Variants in CD74 observed in about 807,000 individuals in gnomAD.
CD74 encodes HLA class II histocompatibility antigen gamma chain.
CD74 carries 20 observed loss-of-function variants against 37.1 expected under a neutral mutation model. The observed-to-expected ratio is 0.54, with a 90% CI of 0.38 to 0.78. The LOEUF (loss-of-function observed/expected upper bound fraction) is 0.78. CD74 is among the 30% of genes least tolerant of loss of function. The pLI is 0.00. For synonymous variants in CD74, 150 were observed against 152.0 expected, an observed-to-expected ratio of 0.99 and a Z score of 0.10; for missense variants, 338 against 389.5, an observed-to-expected ratio of 0.87 and a Z score of 1.11.
At chr5:150,411,283 G>A (rs1291879950) in intron 1 of CD74, among the ~76,000 whole-genome samples, 4 of 152,290 alleles carry the variant, frequency 2.6e-5, no homozygotes, top group African/African-American at 4.8e-5. Flanking sequence ...GAGACTCAGG[G>A]AGAGGCAGTG....
intron 1 of CD74, among the ~76,000 whole-genome samples, chr5:150,408,289 T>C (rs950267603): frequency 3.3e-5 from 5 of 152,032 alleles, no homozygotes; most frequent in African/African-American, 1.2e-4. Flanking sequence ...AGGAGTGGGC[T>C]GGGGGAGGCT....
chr5:150,401,715 C>G lies in CD74; in HGVS notation c.*525G>C. On this transcript the variant is annotated 3_prime_UTR_variant, in exon 9 of 9. Transcript: ENST00000009530. Reference sequence around the variant, plus strand: ...AACAAGCTTGGCTGAGCAGAGGGAACTAGGGGTCGGCAGAAAGGATTATGG... The same window carrying G: ...AACAAGCTTGGCTGAGCAGAGGGAAGTAGGGGTCGGCAGAAAGGATTATGG... The G allele has an allele frequency of 5.2e-6, 3 of 576,084 alleles. No individual in the cohort carries two copies. Among genetic ancestry groups the G allele is most frequent in the Non-Finnish European group, 9.3e-6 (3 of 323,138 alleles). 35.7% of individuals were successfully genotyped at this position (576,084 alleles called of 1,614,324 possible).
At chr5:150,406,998 G>A in intron 2 of CD74, 38 bp from the exon 3 acceptor site, 4 of 1,549,574 alleles carry the variant, frequency 2.6e-6, no homozygotes, top group Non-Finnish European at 3.5e-6. Context: ...TGGCCCCGGT[G>A]CCCAGGGAGG....
Position 150,403,760 on chromosome 5 carries a change from G to A in CD74, c.626-448C>T, listed in dbSNP as rs575740269. ...TATAATCCCAGCTACTCGGGAGGCC[G>A]AGGCAGGAGAATTGCTTGAACCCGG... On this transcript the variant is annotated intron_variant, in intron 6 of 8. Transcript: ENST00000009530. The surrounding 1 kb of genome is among the most constrained non-coding windows in gnomAD (Gnocchi z 4.5). Among the ~76,000 whole-genome samples the A allele has an allele frequency of 3.9e-5, 6 of 152,326 alleles. No homozygotes were observed. The South Asian group carries it at 8.3e-4, about 21-fold the overall frequency.
At chr5:150,412,283 C>G (rs1770387851) in intron 1 of CD74, among the ~76,000 whole-genome samples, 1 of 152,194 alleles carries the variant, frequency 6.6e-6, no homozygotes, top group African/African-American at 2.4e-5. Context: ...GGCCTTTAAC[C>G]TAGCATTCAC....
intron 3 of CD74, 157 bp downstream of exon 3, chr5:150,406,724 C>G: frequency 1.7e-6 from 1 of 596,710 alleles, no homozygotes; most frequent in Non-Finnish European, 3.0e-6. Context: ...CCCTCCACAC[C>G]TGGGGAGCCC....
At position 150,403,368 on chromosome 5, in the gene CD74, C is replaced by CT; in HGVS notation, c.626-57dup. 2 of 1,493,774 alleles carry CT rather than the reference C, an allele frequency of 1.3e-6. No individual in the cohort carries two copies. The highest frequency in any genetic ancestry group is 1.9e-6 in the Non-Finnish European group (2 of 1,071,904). 92.5% of individuals were successfully genotyped at this position (1,493,774 alleles called of 1,614,324 possible). ...GAGTGAGTGAGCTCTGAACCAGGGT[C>CT]TGAGCAGAGCTAAAGACCCACACAC... On this transcript the variant is annotated intron_variant, in intron 6 of 8. Transcript: ENST00000009530. The surrounding 1 kb of genome is among the most constrained non-coding windows in gnomAD (Gnocchi z 4.5).
chr5:150,411,561 A>G (rs1016848004), intron 1 of CD74, among the ~76,000 whole-genome samples: 2 of 152,176 alleles, frequency 1.3e-5, no homozygotes, highest in Admixed American at 1.3e-4. Flanking sequence ...TAGCAGGGGC[A>G]TTGGGGTAAT....
At chr5:150,404,499 C>T (rs1769829457) in intron 6 of CD74, 181 bp downstream of exon 6, 1 of 579,574 alleles carries the variant, frequency 1.7e-6, no homozygotes, top group Admixed American at 3.0e-5. Flanking sequence ...GGGAGGGGGA[C>T]AGCCAAACCA....
In CD74 at chr5:150,404,745, T is replaced by C; in HGVS notation, c.560A>G (p.His187Arg). Residue 187 changes from histidine to arginine, a missense_variant, in exon 6 of 9, where the codon CAT becomes CGT. Physicochemically the swap from His to Arg is conservative, Grantham distance 29. Transcript: ENST00000009530. ...CCTGCTCATTTCAAACAGGAGCCAATGGTGCATCCAGCTCTCAAAGACCTA... is the reference window on the plus strand; with the variant it reads ...CCTGCTCATTTCAAACAGGAGCCAACGGTGCATCCAGCTCTCAAAGACCTA... ...DWKVFESWMH[H>R]WLLFEMSRHS... 1 of 1,584,176 alleles carries C rather than the reference T, an allele frequency of 6.3e-7. No individual in the cohort carries two copies. The highest frequency in any genetic ancestry group is 1.3e-5 in the African/African-American group (1 of 74,456).
chr5:150,409,388 G>A (rs1196579342), intron 1 of CD74, among the ~76,000 whole-genome samples: 2 of 151,308 alleles, frequency 1.3e-5, no homozygotes, highest in African/African-American at 2.4e-5. Flanking sequence ...TTAGCCGGAC[G>A]TGGTGGCGAG....
rs1482030276 is a variant in CD74 at position 150,404,553 on chromosome 5, G to C, written c.625+127C>G. 8 of 621,176 alleles carry C rather than the reference G, an allele frequency of 1.3e-5. No individual in the cohort carries two copies. In the East Asian group the frequency reaches 1.7e-4, roughly 13 times the overall value. The allele number at this position is 621,176 out of a possible 1,614,324, so 38.5% of individuals were successfully genotyped here. On this transcript the variant is annotated intron_variant, in intron 6 of 8. Coordinates refer to ENST00000009530, the MANE Select transcript of CD74 (RefSeq NM_001025159.3). ...AGAGAGAGAAGTGAGAAAGAAGTGA[G>C]AGCTGAGAGGATGGGAGATTCCGCG...
intron 2 of CD74, 31 bp from the exon 3 acceptor site, chr5:150,406,991 C>T (rs758355473): frequency 9.0e-6 from 14 of 1,562,532 alleles, no homozygotes; most frequent in Admixed American, 6.2e-5. Flanking sequence ...GTAAGTGTGG[C>T]CCCGGTGCCC....
At chr5:150,405,497 C>G in intron 4 of CD74, 1 of 1,052,686 alleles carries the variant, frequency 9.5e-7, no homozygotes, top group East Asian at 5.2e-5. Flanking sequence ...AGGTGAGGAC[C>G]CAACCTTGAC....
At position 150,412,766 on chromosome 5, in the gene CD74, C is replaced by A; in HGVS notation, c.-17G>T. On this transcript the variant is annotated 5_prime_UTR_variant, in exon 1 of 9. Coordinates refer to ENST00000009530, the MANE Select transcript of CD74 (RefSeq NM_001025159.3). ...CCTGTGCATCTGGGACCCTGACCCC[C>A]CGGCTCGCCTCTTAAAGTCGGTGCT... 2 of 1,613,710 alleles carry A rather than the reference C, an allele frequency of 1.2e-6. No homozygotes were observed. Among genetic ancestry groups the A allele is most frequent in the Non-Finnish European group, 1.7e-6 (2 of 1,179,840 alleles).
rs1044776642 is a variant in CD74 at position 150,401,921 on chromosome 5, G to A, written c.*319C>T. 1.7e-5 allele frequency: 14 copies of A among 840,064 alleles called. No homozygotes were observed. Among genetic ancestry groups the A allele is most frequent in the South Asian group, 8.5e-5 (6 of 70,264 alleles). 52.0% of individuals were successfully genotyped at this position (840,064 alleles called of 1,614,324 possible). ...CCTTCTCCCTGTGCCTTCCCATCTC[G>A]TCCATGAGCCTAGGTCTTGGAGCCT... On this transcript the variant is annotated 3_prime_UTR_variant, in exon 9 of 9. Coordinates refer to ENST00000009530, the MANE Select transcript of CD74 (RefSeq NM_001025159.3).
intron 6 of CD74, 178 bp downstream of exon 6, chr5:150,404,502 C>G (rs926694073): frequency 1.7e-6 from 1 of 581,348 alleles, no homozygotes; most frequent in African/African-American, 1.9e-5. Context: ...AGGGGGACAG[C>G]CAAACCAAGA....
rs200893260 is a variant in CD74, at chr5:150,403,140, G to T, written c.798C>A (p.Arg266=). 6.2e-7 allele frequency: 1 copy of T among 1,613,816 alleles called. No individual in the cohort carries two copies. The highest frequency in any genetic ancestry group is 8.5e-7 in the Non-Finnish European group (1 of 1,179,798). The change falls in exon 7 of 9, where the codon CGC becomes CGA. Residue 266 remains arginine, a synonymous_variant. Coordinates refer to ENST00000009530, the MANE Select transcript of CD74 (RefSeq NM_001025159.3). The surrounding 1 kb of genome is among the most constrained non-coding windows in gnomAD (Gnocchi z 4.5). ...GCTTACCACTGCAGTTATGGTGCCC[G>T]CGGCTTCTGGTGTTGGGGACCTCCG... ...NGTEVPNTRS[R]GHHNCSESLE...
intron 1 of CD74, among the ~76,000 whole-genome samples, chr5:150,409,683 ACT>A (rs1194288722): frequency 2.2e-5 from 3 of 133,614 alleles, no homozygotes; most frequent in Non-Finnish European, 3.1e-5. Context: ...ATAGAGTGAG[ACT>A]CTGTCTCAAA....
Sources: gnomAD v4.1 joint callset for allele counts (sites outside exome capture counted in the v4.1 genomes callset) on GRCh38, gnomAD v4.1.1 for gene constraint, Gnocchi (gnomAD v3.1) non-coding constraint, MANE v1.5 for transcripts, NCBI Gene and HGNC (gene_info 2026-07-23, HGNC 2026-07-21) for gene names.